CEP76: variants seen among roughly 807,000 people sequenced by gnomAD.
CEP76 encodes the protein centrosomal protein 76, also known as centrosomal protein of 76 kDa.
CEP76 carries 55 observed loss-of-function variants against 83.3 expected under a neutral mutation model. The ratio of observed to expected loss-of-function variants is 0.66; its 90% CI spans 0.53 to 0.83. The LOEUF is 0.83. Ranked by LOEUF, CEP76 falls within the 40% of genes least tolerant of loss-of-function variation. CEP76 has a pLI of 0.00. For synonymous variants in CEP76, 270 were observed against 274.5 expected, an observed-to-expected ratio of 0.98 and a Z score of 0.16; for missense variants, 694 against 799.5, an observed-to-expected ratio of 0.87 and a Z score of 1.59.
At chr18:12,691,253 TTTA>T in intron 7 of CEP76, 103 bp downstream of exon 7, 1 of 718,698 alleles carries the variant, frequency 1.4e-6, no homozygotes, top group East Asian at 3.2e-5. Context: ...CAAATACACT[TTTA>T]TTTTTTGGAA....
chr18:12,696,082 G>A (rs952731464), intron 5 of CEP76, among the ~76,000 whole-genome samples: 3 of 152,088 alleles, frequency 2.0e-5, no homozygotes, highest in Non-Finnish European at 2.9e-5. Context: ...TCACTGCTAC[G>A]ATTATCATGT....
intron 7 of CEP76, chr18:12,691,143 A>C: frequency 2.5e-6 from 1 of 393,466 alleles, no homozygotes; most frequent in Non-Finnish European, 4.5e-6. Flanking sequence ...TTTTTCAAAA[A>C]CCCACAATAA....
At position 12,697,686 on chromosome 18, in the gene CEP76, A is replaced by G. The variant is rs554908525; in HGVS notation, c.521-278T>C. On this transcript the variant is annotated intron_variant, in intron 4 of 11. Transcript: ENST00000262127. ...TAAGATAAGTCTGTTCTTTAAAAGT[A>G]CTTAACTAAAGTATATGCTACTACA... 2.0e-5 allele frequency among the ~76,000 whole-genome samples: 3 copies of G among 152,310 alleles called. No individual in the cohort carries two copies. The South Asian group carries it at 6.2e-4, about 32-fold the overall frequency.
intron 12 of CEP76, among the ~76,000 whole-genome samples, chr18:12,664,833 G>T (rs1423798861): frequency 6.6e-6 from 1 of 151,724 alleles, no homozygotes; most frequent in East Asian, 2.0e-4. Flanking sequence ...TGAGTAGCTA[G>T]GATTACAGGC....
chr18:12,671,408 C>G (rs1568006912), downstream of CEP76, among the ~76,000 whole-genome samples: 1 of 151,878 alleles, frequency 6.6e-6, no homozygotes, highest in Non-Finnish European at 1.5e-5. Flanking sequence ...AAATTAAGAA[C>G]TACACATATC....
intron 4 of CEP76, chr18:12,698,718 G>A (rs2040047089): frequency 2.3e-6 from 1 of 432,824 alleles, no homozygotes; most frequent in Non-Finnish European, 4.1e-6. Flanking sequence ...ATAACACTAT[G>A]CACATAATAG....
In CEP76 at chr18:12,701,115, T is replaced by A; in HGVS notation, c.64-2A>T. 1.2e-6 allele frequency: 2 copies of A among 1,605,828 alleles called. No individual in the cohort carries two copies. Among genetic ancestry groups the A allele is most frequent in the Non-Finnish European group, 1.7e-6 (2 of 1,176,688 alleles). On this transcript the variant is annotated splice_acceptor_variant, in intron 1 of 11. Transcript: ENST00000262127. LOFTEE classifies it high-confidence loss of function. ...TCTTATTCTACCATGGACATCCATCTATGTAGAAAACTCATATTACAATTT... is the reference window on the plus strand; with the variant it reads ...TCTTATTCTACCATGGACATCCATCAATGTAGAAAACTCATATTACAATTT...
chr18:12,679,569 T>C (rs1251526333), intron 9 of CEP76, among the ~76,000 whole-genome samples: 3 of 152,290 alleles, frequency 2.0e-5, no homozygotes, highest in South Asian at 2.1e-4. Context: ...TGACAAGGAC[T>C]CAGCTCTTAG....
In CEP76 at chr18:12,701,020, T is replaced by C. The variant is rs755637311; in HGVS notation, c.157A>G (p.Ile53Val). ...DQQHLSTEDL[I>V]KALRRRGIID... The stretch of plus-strand genomic sequence containing the variant: ...ATTCCTCGACGTCTAAGGGCTTTGA[T>C]CAAATCTTCTGTTGATAAATGCTGT... The change falls in exon 2 of 12, where the codon ATC becomes GTC. Residue 53 changes from isoleucine to valine, a missense_variant. Physicochemically the swap from Ile to Val is conservative, Grantham distance 29. Transcript: ENST00000262127. The C allele has an allele frequency of 1.2e-6, 2 of 1,613,896 alleles. No individual in the cohort carries two copies. Among genetic ancestry groups the C allele is most frequent in the African/African-American group, 2.7e-5 (2 of 74,924 alleles).
Position 12,702,579 on chromosome 18 carries a change from C to T in CEP76, c.-31G>A, listed in dbSNP as rs2040198041. Reference sequence around the variant, plus strand: ...CAGCCGGCGTCTCCCCGCCGCTTCTCCCCGCCTCAGATGCCCTAACTGCGC... The same window carrying T: ...CAGCCGGCGTCTCCCCGCCGCTTCTTCCCGCCTCAGATGCCCTAACTGCGC... On this transcript the variant is annotated 5_prime_UTR_variant, in exon 1 of 12. Coordinates refer to ENST00000262127, the MANE Select transcript of CEP76 (RefSeq NM_024899.4). 1.9e-6 allele frequency: 3 copies of T among 1,591,434 alleles called. No individual in the cohort carries two copies. Among genetic ancestry groups the T allele is most frequent in the South Asian group, 1.1e-5 (1 of 88,974 alleles).
At chr18:12,695,963 G>C (rs1287542760) in intron 5 of CEP76, among the ~76,000 whole-genome samples, 2 of 151,896 alleles carry the variant, frequency 1.3e-5, no homozygotes, top group Non-Finnish European at 2.9e-5. Context: ...TACAGGCTGA[G>C]TAGAAATTTT....
intron 5 of CEP76, among the ~76,000 whole-genome samples, chr18:12,696,204 T>A (rs1458338774): frequency 6.6e-6 from 1 of 152,170 alleles, no homozygotes; most frequent in African/African-American, 2.4e-5. Flanking sequence ...TTGGTATGAC[T>A]TATTAAAATC....
intron 8 of CEP76, chr18:12,685,770 T>C (rs2039519456): frequency 6.6e-6 from 1 of 152,666 alleles, no homozygotes; most frequent in Non-Finnish European, 1.5e-5. Flanking sequence ...TAGCTGGGAT[T>C]ACAGGCACAC....
intron 12 of CEP76, among the ~76,000 whole-genome samples, chr18:12,662,553 A>C (rs1168575274): frequency 1.3e-5 from 2 of 152,244 alleles, no homozygotes; most frequent in African/African-American, 4.8e-5. Flanking sequence ...AGGCAGGAGC[A>C]TCATTTGAGC....
At chr18:12,680,595 T>C in intron 9 of CEP76, 67 bp downstream of exon 9, 4 of 848,452 alleles carry the variant, frequency 4.7e-6, no homozygotes, top group Non-Finnish European at 4.8e-6. Context: ...AGACTCCATC[T>C]CAAAAAAAAA....
At position 12,697,256 on chromosome 18, in the gene CEP76, C is replaced by T. The variant is rs370855283; in HGVS notation, c.673G>A (p.Val225Met). The change falls in exon 5 of 12, where the codon GTG becomes ATG. Residue 225 changes from valine (V) to methionine (M), a missense_variant. Coordinates refer to ENST00000262127, the MANE Select transcript of CEP76 (RefSeq NM_024899.4). The part of the protein sequence containing the change: ...WRSVLGSENG[V>M]TSLTVELMGV... The stretch of plus-strand genomic sequence containing the variant: ...ATAAGTTCCACAGTCAGACTGGTCA[C>T]TCCATTTTCTGAGCCCAAAACCGAT... 2 of 1,613,676 alleles carry T rather than the reference C, an allele frequency of 1.2e-6. No individual in the cohort carries two copies. The highest frequency in any genetic ancestry group is 1.7e-6 in the Non-Finnish European group (2 of 1,179,858).
At chr18:12,671,999 T>C (rs2038960200), downstream of CEP76, among the ~76,000 whole-genome samples, 1 of 151,606 alleles carries the variant, frequency 6.6e-6, no homozygotes, top group African/African-American at 2.4e-5. Flanking sequence ...TTTGTATCTT[T>C]AGTAGAGACA....
downstream of CEP76, among the ~76,000 whole-genome samples, chr18:12,672,120 T>C (rs2038964007): frequency 7.0e-6 from 1 of 143,748 alleles, no homozygotes; most frequent in African/African-American, 2.6e-5. Flanking sequence ...GCCTGGCCCT[T>C]TTTTTTTTTT....
At chr18:12,664,698 C>CTTT (rs76222169) in intron 12 of CEP76, among the ~76,000 whole-genome samples, 1 of 137,618 alleles carries the variant, frequency 7.3e-6, no homozygotes, top group Non-Finnish European at 1.6e-5. Context: ...TTGTCCTGAT[C>CTTT]TTTTTTTTTT....
Sources: gnomAD v4.1 joint callset for allele counts (sites outside exome capture counted in the v4.1 genomes callset) on GRCh38, gnomAD v4.1.1 for gene constraint, MANE v1.5 for transcripts, NCBI Gene and HGNC (gene_info 2026-07-23, HGNC 2026-07-21) for gene names.